CSMD1: variants seen among roughly 807,000 people sequenced by gnomAD.
CSMD1 encodes the protein CUB and Sushi multiple domains 1.
Under a neutral mutation model 417.5 loss-of-function variants are expected in CSMD1, and 213 were observed. The observed-to-expected ratio is 0.51, with a 90% confidence interval of 0.46 to 0.57. The LOEUF is 0.57. CSMD1 is among the 20% of genes least tolerant of loss of function. CSMD1 has a pLI of 0.00. For missense variants in CSMD1, 6,923 were observed against 4,529.7 expected (o/e 1.53, Z -15.17); for synonymous variants, 2,862 against 1,736.8 (o/e 1.65, Z -16.11).
At chr8:3,668,352 A>G (rs930715459) in intron 7 of CSMD1, among the ~76,000 whole-genome samples, 4 of 152,150 alleles carry the variant, frequency 2.6e-5, no homozygotes, top group Non-Finnish European at 5.9e-5. Flanking sequence ...TGGGCTGTGC[A>G]TGACGGATGG....
chr8:3,290,540 C>T (rs1475543433), intron 25 of CSMD1, among the ~76,000 whole-genome samples: 1 of 145,782 alleles, frequency 6.9e-6, no homozygotes, highest in African/African-American at 2.8e-5. Flanking sequence ...AGGTCCTTCA[C>T]ATCCCTTGTA....
chr8:3,444,624 G>A (rs1815188380), intron 12 of CSMD1, among the ~76,000 whole-genome samples: 1 of 152,052 alleles, frequency 6.6e-6, no homozygotes, highest in East Asian at 1.9e-4. Flanking sequence ...ACAGTCACAG[G>A]ACCGTCCCTG....
intron 10 of CSMD1, among the ~76,000 whole-genome samples, chr8:3,496,821 C>G (rs540323774): frequency 1.4e-4 from 21 of 152,220 alleles, no homozygotes; most frequent in African/African-American, 5.1e-4. Flanking sequence ...CAGAGTGAGA[C>G]TCCGTCTCAA....
At chr8:3,452,743 A>G (rs1389869326) in intron 12 of CSMD1, among the ~76,000 whole-genome samples, 2 of 152,172 alleles carry the variant, frequency 1.3e-5, no homozygotes, top group South Asian at 2.1e-4. Context: ...GGATTTTTGC[A>G]TCGATGTTCA....
intron 1 of CSMD1, among the ~76,000 whole-genome samples, chr8:4,739,893 A>G (rs1810491862): frequency 6.6e-6 from 1 of 152,100 alleles, no homozygotes; most frequent in South Asian, 2.1e-4. Context: ...CAGCATTGAC[A>G]GCCGTTTCTC....
At chr8:4,939,029 G>A (rs192416175) in intron 1 of CSMD1, among the ~76,000 whole-genome samples, 8 of 152,126 alleles carry the variant, frequency 5.3e-5, no homozygotes, top group South Asian at 2.1e-4. Context: ...TGTTTTCTAC[G>A]TGTTGTACAT....
chr8:4,468,586 A>C (rs907505516), intron 2 of CSMD1, among the ~76,000 whole-genome samples: 3 of 152,134 alleles, frequency 2.0e-5, no homozygotes, highest in African/African-American at 7.2e-5. Context: ...TCATCCATTC[A>C]GCCACAAATG....
chr8:2,998,384 A>C (rs975111999), intron 53 of CSMD1, among the ~76,000 whole-genome samples, 200 bp from the exon 54 acceptor site: 1 of 152,220 alleles, frequency 6.6e-6, no homozygotes, highest in Non-Finnish European at 1.5e-5. Flanking sequence ...CAGGCTTTTA[A>C]TATAATTGTG....
intron 2 of CSMD1, among the ~76,000 whole-genome samples, chr8:4,445,910 T>A (rs1798761122): frequency 6.6e-6 from 1 of 152,182 alleles, no homozygotes; most frequent in African/African-American, 2.4e-5. Context: ...TGCAGGGACG[T>A]GACCTGGGCC....
At chr8:3,863,846 T>C (rs934580864) in intron 5 of CSMD1, among the ~76,000 whole-genome samples, 31 of 151,978 alleles carry the variant, frequency 2.0e-4, no homozygotes, top group African/African-American at 7.5e-4. Flanking sequence ...AAAAACAGAG[T>C]TTAATTTCTT....
rs539811857 is a variant in CSMD1, at chr8:4,356,454, C to T, written c.415+63499G>A. 1.3e-3 allele frequency among the ~76,000 whole-genome samples: 197 copies of T among 152,178 alleles called. 1 individual carries two copies. The highest frequency in any genetic ancestry group is 6.8e-3 in the Middle Eastern group (2 of 294). ...AACATGCATGTACAAGTATCCTTTT[C>T]GTGTAATGACTTCTTTTCCTCTGAG... On this transcript the variant is annotated intron_variant, in intron 3 of 69. Coordinates refer to ENST00000635120, the MANE Select transcript of CSMD1 (RefSeq NM_033225.6).
chr8:4,435,349 C>T (rs559155086), intron 2 of CSMD1, among the ~76,000 whole-genome samples: 4 of 152,014 alleles, frequency 2.6e-5, no homozygotes, highest in African/African-American at 9.7e-5. Context: ...GTTTTGAGGC[C>T]TTATTTAATT....
chr8:4,666,531 T>C (rs1410445584), intron 1 of CSMD1, among the ~76,000 whole-genome samples: 2 of 152,206 alleles, frequency 1.3e-5, no homozygotes, highest in Non-Finnish European at 2.9e-5. Context: ...ATCCTGATAA[T>C]ACTTTGATTT....
chr8:4,457,695 G>T (rs922174306), intron 2 of CSMD1, among the ~76,000 whole-genome samples: 2 of 152,080 alleles, frequency 1.3e-5, no homozygotes, highest in African/African-American at 2.4e-5. Flanking sequence ...GGTTCACATG[G>T]GAGAGGCAGC....
At chr8:4,920,971 AAAGAAAGAAACAAAGAAAGAAAGAAAAG>A (rs1563769787) in intron 1 of CSMD1, among the ~76,000 whole-genome samples, 3 of 24,416 alleles carry the variant, frequency 1.2e-4, no homozygotes, top group Non-Finnish European at 1.8e-4. Flanking sequence ...AGAAAGAAAG[AAAGAAAGAAACAAAGAAAGAAAGAAAAG>A]AAAGAAAGAA....
At chr8:4,628,756 C>T (rs1168837885) in intron 2 of CSMD1, among the ~76,000 whole-genome samples, 1 of 152,010 alleles carries the variant, frequency 6.6e-6, no homozygotes, top group Admixed American at 6.6e-5. Flanking sequence ...AGTTAGATAC[C>T]CTTGGAGGAG....
intron 3 of CSMD1, among the ~76,000 whole-genome samples, chr8:4,407,371 C>T (rs879841873): frequency 9.9e-5 from 15 of 151,822 alleles, no homozygotes; most frequent in Admixed American, 2.0e-4. Flanking sequence ...TTTACTATGA[C>T]TCTTGTTTAA....
chr8:3,051,270 A>C (rs867397654), intron 50 of CSMD1, among the ~76,000 whole-genome samples: 3 of 152,252 alleles, frequency 2.0e-5, no homozygotes, highest in Non-Finnish European at 4.4e-5. Context: ...TGCAGCCATA[A>C]AAACAGTGAG....
intron 10 of CSMD1, among the ~76,000 whole-genome samples, chr8:3,510,446 C>A (rs1164576759): frequency 6.6e-6 from 1 of 151,832 alleles, no homozygotes; most frequent in Non-Finnish European, 1.5e-5. Context: ...GTAAGTTACT[C>A]AGCCCAGTCC....
Sources: allele counts gnomAD v4.1 joint callset (sites outside exome capture counted in the v4.1 genomes callset), GRCh38; gene constraint gnomAD v4.1.1; transcripts MANE v1.5; gene names NCBI Gene and HGNC (gene_info 2026-07-23, HGNC 2026-07-21).